Variants in SLC25A13 observed in about 807,000 individuals in gnomAD.
SLC25A13 encodes the protein electrogenic aspartate/glutamate antiporter SLC25A13, mitochondrial.
Under a neutral mutation model 85.5 loss-of-function variants are expected in SLC25A13, and 70 were observed. The observed-to-expected ratio is 0.82, with a 90% confidence interval of 0.68 to 1.00. The LOEUF (loss-of-function observed/expected upper bound fraction) is 1.00. Ranked by LOEUF, SLC25A13 falls within the 50% of genes least tolerant of loss-of-function variation. The pLI is 0.00. For synonymous variants in SLC25A13, 259 were observed against 288.7 expected (o/e 0.90, Z 1.04); for missense variants, 765 against 819.8 (o/e 0.93, Z 0.82).
intron 11 of SLC25A13, among the ~76,000 whole-genome samples, chr7:96,181,871 C>G (rs987476077): frequency 1.3e-5 from 2 of 152,106 alleles, no homozygotes; most frequent in African/African-American, 4.8e-5. Context: ...CAGTTTTCCT[C>G]TGGAATAATA....
At chr7:96,232,296 T>C (rs983380259) in intron 4 of SLC25A13, among the ~76,000 whole-genome samples, 1 of 149,578 alleles carries the variant, frequency 6.7e-6, no homozygotes, top group Non-Finnish European at 1.5e-5. Context: ...GGAACTTGGA[T>C]GGAGCTGGAG....
intron 4 of SLC25A13, among the ~76,000 whole-genome samples, chr7:96,211,808 A>G (rs1269926408): frequency 1.3e-5 from 2 of 152,184 alleles, no homozygotes; most frequent in Non-Finnish European, 2.9e-5. Flanking sequence ...AGTGCACTGC[A>G]TACAAATCAT....
chr7:96,210,179 GCA>G (rs1364937971), intron 4 of SLC25A13, among the ~76,000 whole-genome samples: 2 of 152,104 alleles, frequency 1.3e-5, no homozygotes, highest in African/African-American at 4.8e-5. Context: ...GTGTGTATTT[GCA>G]CAGAGAAGGC....
At chr7:96,278,958 C>T (rs1474285733) in intron 2 of SLC25A13, among the ~76,000 whole-genome samples, 2 of 152,148 alleles carry the variant, frequency 1.3e-5, no homozygotes, top group Non-Finnish European at 1.5e-5. Context: ...TTTTACTATA[C>T]AATTTAACTT....
intron 13 of SLC25A13, among the ~76,000 whole-genome samples, chr7:96,157,342 T>C (rs73708499): frequency 0.01 from 1,594 of 152,298 alleles, 29 homozygotes; most frequent in African/African-American, 0.036. Context: ...GTGGTTCCTA[T>C]CACTGCGTCT....
intron 15 of SLC25A13, among the ~76,000 whole-genome samples, chr7:96,125,141 G>C (rs1210039429): frequency 6.6e-6 from 1 of 151,922 alleles, no homozygotes; most frequent in Non-Finnish European, 1.5e-5. Flanking sequence ...GCCCAGGCTG[G>C]GGCTGCGCAC....
rs1791449813 is a variant in SLC25A13 at position 96,120,379 on chromosome 7, TGAG to T, written c.*809_*811del. Reference sequence around the variant, plus strand: ...CAAGTGGGTACCAATGATGGGGAGATGAGGAGAATAGGGCAGGCAGCAACAGGG... The same window carrying T: ...CAAGTGGGTACCAATGATGGGGAGATGAGAATAGGGCAGGCAGCAACAGGG... On this transcript the variant is annotated 3_prime_UTR_variant, in exon 18 of 18. Transcript: ENST00000265631. 2.2e-6 allele frequency: 1 copy of T among 453,940 alleles called. No individual in the cohort carries two copies. Among genetic ancestry groups the T allele is most frequent in the Non-Finnish European group, 4.4e-6 (1 of 226,778 alleles). The allele number at this position is 453,940 out of a possible 1,614,324, so 28.1% of individuals were successfully genotyped here. A position where few individuals can be genotyped will look rare whatever the true frequency, so the allele number is the denominator to read the frequency against.
intron 11 of SLC25A13, 125 bp from the exon 12 acceptor site, chr7:96,171,649 C>A (rs1181928583): frequency 1.2e-5 from 9 of 779,024 alleles, no homozygotes; most frequent in Non-Finnish European, 2.0e-5. Context: ...TCTGCTATTA[C>A]CCTTAATGAG....
In SLC25A13 at chr7:96,184,376, G is replaced by C. The variant is rs80338721; in HGVS notation, c.1078C>G (p.Arg360Gly). 2 of 1,614,142 alleles carry C rather than the reference G, an allele frequency of 1.2e-6. No individual in the cohort carries two copies. Among genetic ancestry groups the C allele is most frequent in the Non-Finnish European group, 1.7e-6 (2 of 1,180,008 alleles). Reference sequence around the variant, plus strand: ...TCTCCCACAAAAGAGCCAGTTGATCGTTGGTTCTGCATTCGAGTTTTTACA... The same window carrying C: ...TCTCCCACAAAAGAGCCAGTTGATCCTTGGTTCTGCATTCGAGTTTTTACA... ...DLVKTRMQNQ[R>G]STGSFVGELM... Residue 360 changes from arginine to glycine, a missense_variant, in exon 11 of 18, where the codon CGA becomes GGA. Coordinates refer to ENST00000265631, the MANE Select transcript of SLC25A13 (RefSeq NM_014251.3).
At position 96,121,477 on chromosome 7, in the gene SLC25A13, G is replaced by C. The variant is rs1424342288; in HGVS notation, c.1842-100C>G. ...CTGTTCAAATATTTAATGTAAAGGAGTTGATACATTCTCATCAGTTGTATG... is the reference window on the plus strand; with the variant it reads ...CTGTTCAAATATTTAATGTAAAGGACTTGATACATTCTCATCAGTTGTATG... On this transcript the variant is annotated intron_variant, in intron 17 of 17. Transcript: ENST00000265631. 12 of 1,448,364 alleles carry C rather than the reference G, an allele frequency of 8.3e-6. No individual in the cohort carries two copies. In the South Asian group the frequency reaches 1.3e-4, roughly 15 times the overall value. 89.7% of individuals were successfully genotyped at this position (1,448,364 alleles called of 1,614,324 possible). A position where few individuals can be genotyped will look rare whatever the true frequency, so the allele number is the denominator to read the frequency against.
At chr7:96,216,079 C>A (rs1461868794) in intron 4 of SLC25A13, among the ~76,000 whole-genome samples, 1 of 151,886 alleles carries the variant, frequency 6.6e-6, no homozygotes, top group Non-Finnish European at 1.5e-5. Flanking sequence ...TTGCTTGAAC[C>A]CCTGAGGCGG....
intron 4 of SLC25A13, among the ~76,000 whole-genome samples, chr7:96,224,254 C>T (rs55715130): frequency 0.011 from 1,715 of 152,212 alleles, 34 homozygotes; most frequent in African/African-American, 0.04. Context: ...TGGCTTTGCC[C>T]CACTCTAGTC....
At chr7:96,216,257 G>A (rs1795896718) in intron 4 of SLC25A13, among the ~76,000 whole-genome samples, 1 of 152,140 alleles carries the variant, frequency 6.6e-6, no homozygotes, top group African/African-American at 2.4e-5. Context: ...AACAGATGCT[G>A]GTGAGGTTGC....
At chr7:96,205,909 C>T (rs925320688) in intron 5 of SLC25A13, among the ~76,000 whole-genome samples, 3 of 151,182 alleles carry the variant, frequency 2.0e-5, no homozygotes, top group Non-Finnish European at 2.9e-5. Flanking sequence ...AAGAAGCTCA[C>T]ACTTGCTTAG....
chr7:96,310,961 T>C (rs777106946), intron 1 of SLC25A13, among the ~76,000 whole-genome samples: 2 of 152,188 alleles, frequency 1.3e-5, no homozygotes, highest in Non-Finnish European at 2.9e-5. Context: ...ATGTTCTACA[T>C]CACCATTACC....
At chr7:96,144,851 C>G (rs1792713715) in intron 14 of SLC25A13, among the ~76,000 whole-genome samples, 1 of 152,152 alleles carries the variant, frequency 6.6e-6, no homozygotes, top group Non-Finnish European at 1.5e-5. Flanking sequence ...AAGTTCCTAC[C>G]ATTTTACTCA....
At chr7:96,301,365 A>G (rs1799541546) in intron 1 of SLC25A13, among the ~76,000 whole-genome samples, 1 of 152,190 alleles carries the variant, frequency 6.6e-6, no homozygotes, top group Non-Finnish European at 1.5e-5. Flanking sequence ...TACTATTGTT[A>G]TAACTGCCTG....
chr7:96,159,298 T>C (rs767344777), intron 13 of SLC25A13, among the ~76,000 whole-genome samples: 4 of 152,214 alleles, frequency 2.6e-5, no homozygotes, highest in Non-Finnish European at 5.9e-5. Flanking sequence ...AAAATTTGTA[T>C]ACTGAAGTCC....
intron 14 of SLC25A13, among the ~76,000 whole-genome samples, chr7:96,141,006 T>G (rs1271924091): frequency 6.8e-6 from 1 of 147,776 alleles, no homozygotes; most frequent in African/African-American, 2.5e-5. Flanking sequence ...GCGCATTCCT[T>G]TCTTTTTTCT....
Sources: gnomAD v4.1 joint callset for allele counts (sites outside exome capture counted in the v4.1 genomes callset) on GRCh38, gnomAD v4.1.1 for gene constraint, MANE v1.5 for transcripts, NCBI Gene and HGNC (gene_info 2026-07-23, HGNC 2026-07-21) for gene names.